The following FRAS1 variants were observed in gnomAD, a reference collection of about 807,000 sequenced individuals.
The protein encoded by FRAS1 is Fraser extracellular matrix complex subunit 1.
Under a neutral mutation model 435.2 loss-of-function variants are expected in FRAS1, and 290 were observed. That is an observed-to-expected ratio of 0.67 (90% confidence interval 0.61 to 0.73). FRAS1 has a LOEUF of 0.73. FRAS1 is among the 30% of genes least tolerant of loss of function. The pLI is 0.00. For synonymous variants in FRAS1, 1,800 were observed against 1,851.0 expected (o/e 0.97, Z 0.71); for missense variants, 4,860 against 5,001.5 (o/e 0.97, Z 0.85).
intron 2 of FRAS1, among the ~76,000 whole-genome samples, chr4:78,192,289 G>A (rs1207295348): frequency 6.6e-6 from 1 of 152,156 alleles, no homozygotes; most frequent in African/African-American, 2.4e-5. Context: ...GATGATGCTG[G>A]CCTCATAAAA....
intron 2 of FRAS1, among the ~76,000 whole-genome samples, chr4:78,170,204 T>A (rs955606862): frequency 6.6e-6 from 1 of 152,140 alleles, no homozygotes; most frequent in African/African-American, 2.4e-5. Context: ...CTTCATACCC[T>A]TATTTGTACG....
chr4:78,354,631 C>T (rs1336514398), intron 20 of FRAS1, among the ~76,000 whole-genome samples: 2 of 152,162 alleles, frequency 1.3e-5, no homozygotes, highest in Non-Finnish European at 2.9e-5. Flanking sequence ...TTCTTTTTCA[C>T]CTGACGAAGA....
intron 73 of FRAS1, 125 bp from the exon 74 acceptor site, chr4:78,540,406 C>A: frequency 3.7e-6 from 2 of 541,124 alleles, no homozygotes; most frequent in Non-Finnish European, 3.2e-6. Flanking sequence ...AGACACCAAC[C>A]ATTGCTAATG....
chr4:78,059,477 A>G lies in FRAS1; in HGVS notation c.76+1392A>G, dbSNP rs141839871. On this transcript the variant is annotated intron_variant, in intron 1 of 73. Coordinates refer to ENST00000512123, the MANE Select transcript of FRAS1 (RefSeq NM_025074.7). ...GCAAGTCCTGTAGAAATATAACTTT[A>G]TTGTTTATGTGCGTGTGGGCGCGTA... Among the ~76,000 whole-genome samples the G allele has an allele frequency of 3.2e-3, 473 of 146,452 alleles. 2 individuals carry two copies. Among genetic ancestry groups the G allele is most frequent in the African/African-American group, 0.011 (453 of 39,574 alleles).
chr4:78,372,138 A>G (rs1731540591), intron 23 of FRAS1, among the ~76,000 whole-genome samples: 1 of 152,288 alleles, frequency 6.6e-6, no homozygotes, highest in African/African-American at 2.4e-5. Context: ...GAGACCTTCT[A>G]TTGTTTTAGC....
In FRAS1 at chr4:78,181,919, C is replaced by G. The variant is rs1722026361; in HGVS notation, c.109-55591C>G. On this transcript the variant is annotated intron_variant, in intron 2 of 73. Transcript: ENST00000512123. Reference sequence around the variant, plus strand: ...GGCCCCAGGGCCCCCAACGCCACCCCTGCCGGCTTCTTTTTTCTTGTTCTC... The same window carrying G: ...GGCCCCAGGGCCCCCAACGCCACCCGTGCCGGCTTCTTTTTTCTTGTTCTC... 3 of 1,609,338 alleles carry G rather than the reference C, an allele frequency of 1.9e-6. No homozygotes were observed. In the Admixed American group the frequency reaches 5.1e-5, roughly 27 times the overall value.
intron 9 of FRAS1, among the ~76,000 whole-genome samples, chr4:78,272,126 T>C (rs1352359791): frequency 2.0e-5 from 3 of 152,216 alleles, no homozygotes; most frequent in Non-Finnish European, 4.4e-5. Context: ...TTGAGAAATG[T>C]CTGTTCATAT....
At chr4:78,210,627 T>C (rs763284537) in intron 2 of FRAS1, among the ~76,000 whole-genome samples, 2 of 152,226 alleles carry the variant, frequency 1.3e-5, no homozygotes, top group African/African-American at 2.4e-5. Flanking sequence ...CCCTGAGAAG[T>C]TGGGGCCATA....
At chr4:78,217,637 G>T (rs1578190428) in intron 2 of FRAS1, among the ~76,000 whole-genome samples, 2 of 151,976 alleles carry the variant, frequency 1.3e-5, no homozygotes, top group Admixed American at 1.3e-4. Flanking sequence ...CTTCCTCAAG[G>T]CCTGCAAAAT....
chr4:78,238,543 G>A (rs1377182122), intron 3 of FRAS1, among the ~76,000 whole-genome samples: 1 of 151,922 alleles, frequency 6.6e-6, no homozygotes, highest in East Asian at 1.9e-4. Flanking sequence ...TGAAGTGAAG[G>A]TATGCCTTTA....
chr4:78,296,674 T>C (rs747509126), intron 14 of FRAS1, among the ~76,000 whole-genome samples: 3 of 152,222 alleles, frequency 2.0e-5, no homozygotes, highest in African/African-American at 7.2e-5. Context: ...GTATAGCTGC[T>C]GGCCAAATCC....
intron 35 of FRAS1, among the ~76,000 whole-genome samples, chr4:78,428,449 A>C (rs1489169214): frequency 1.3e-5 from 2 of 152,022 alleles, no homozygotes; most frequent in Non-Finnish European, 2.9e-5. Flanking sequence ...CAGCCTCCTG[A>C]GTAGCTGGGA....
At chr4:78,101,692 T>G (rs766368618) in intron 2 of FRAS1, among the ~76,000 whole-genome samples, 3 of 152,178 alleles carry the variant, frequency 2.0e-5, no homozygotes, top group Non-Finnish European at 2.9e-5. Context: ...AATAACATAT[T>G]ATATTTTAGA....
intron 2 of FRAS1, among the ~76,000 whole-genome samples, chr4:78,103,613 T>C (rs1274657311): frequency 2.0e-5 from 3 of 152,170 alleles, no homozygotes; most frequent in African/African-American, 7.2e-5. Flanking sequence ...ACAGGGTCTA[T>C]GGGATGTGAT....
chr4:78,345,613 A>G (rs1007933726), intron 20 of FRAS1, among the ~76,000 whole-genome samples: 1 of 148,988 alleles, frequency 6.7e-6, no homozygotes, highest in Non-Finnish European at 1.5e-5. Flanking sequence ...GTGTTTTGTA[A>G]TGCACTTTCT....
intron 1 of FRAS1, among the ~76,000 whole-genome samples, chr4:78,060,982 G>C (rs1739737263): frequency 6.6e-6 from 1 of 152,158 alleles, no homozygotes; most frequent in Middle Eastern, 3.4e-3. Context: ...GAGTAGCTGG[G>C]ATTACAGATG....
intron 35 of FRAS1, among the ~76,000 whole-genome samples, chr4:78,428,203 G>A (rs1360615287): frequency 1.3e-5 from 2 of 152,170 alleles, no homozygotes; most frequent in Admixed American, 6.5e-5. Flanking sequence ...AAATCTTAAG[G>A]TCACTGTTTT....
intron 2 of FRAS1, 47 bp from the exon 3 acceptor site, chr4:78,237,463 T>C (rs1367456393): frequency 7.4e-7 from 1 of 1,356,370 alleles, no homozygotes; most frequent in East Asian, 2.3e-5. Flanking sequence ...TGTGTGCTCA[T>C]ACCTTGACTG....
chr4:78,304,370 T>A (rs887255404), intron 14 of FRAS1, among the ~76,000 whole-genome samples: 4 of 152,244 alleles, frequency 2.6e-5, no homozygotes, highest in African/African-American at 9.6e-5. Flanking sequence ...GCTGGCCTCA[T>A]AAAATGAGTT....
Sources: allele counts gnomAD v4.1 joint callset (sites outside exome capture counted in the v4.1 genomes callset), GRCh38; gene constraint gnomAD v4.1.1; transcripts MANE v1.5; gene names NCBI Gene and HGNC (gene_info 2026-07-23, HGNC 2026-07-21).